Variants in ASXL2 observed in about 807,000 individuals in gnomAD.
ASXL2 encodes putative Polycomb group protein ASXL2.
In ASXL2, 23 loss-of-function variants were observed where a neutral mutation model predicts 122.0. The ratio of observed to expected loss-of-function variants is 0.19; its 90% CI spans 0.14 to 0.27. ASXL2 has a LOEUF of 0.27. ASXL2 is among the 10% of genes least tolerant of loss of function. The probability of loss-of-function intolerance (pLI) is 1.00; values close to 1 mark genes in which losing one functional copy is unlikely to be tolerated. For synonymous variants in ASXL2, 650 were observed against 637.0 expected, an observed-to-expected ratio of 1.02 and a Z score of -0.31; for missense variants, 1,518 against 1,713.8, an observed-to-expected ratio of 0.89 and a Z score of 2.02.
chr2:25,852,947 T>C (rs1278549669), intron 1 of ASXL2, among the ~76,000 whole-genome samples: 1 of 152,120 alleles, frequency 6.6e-6, no homozygotes, highest in Admixed American at 6.5e-5. Flanking sequence ...AGTCTAAAGG[T>C]AGTAATAGGG....
At chr2:25,841,904 G>A (rs999392772) in intron 2 of ASXL2, among the ~76,000 whole-genome samples, 5 of 147,600 alleles carry the variant, frequency 3.4e-5, no homozygotes, top group Non-Finnish European at 5.9e-5. Context: ...CTGAGATGGC[G>A]TCACTGCACT....
At chr2:25,764,531 A>G (rs75345378) in intron 8 of ASXL2, among the ~76,000 whole-genome samples, 2 of 152,360 alleles carry the variant, frequency 1.3e-5, no homozygotes, top group East Asian at 1.9e-4. Flanking sequence ...CCTGGGCCAC[A>G]TGCAGCCTGT....
intron 5 of ASXL2, among the ~76,000 whole-genome samples, chr2:25,795,720 C>T (rs1228096729): frequency 2.0e-5 from 3 of 151,878 alleles, no homozygotes; most frequent in African/African-American, 7.3e-5. Context: ...ATCTACAATT[C>T]CAAACTTAAA....
rs1005252150 is a variant in ASXL2, at chr2:25,743,168, C to G, written c.3169G>C (p.Gly1057Arg). 1.2e-5 allele frequency: 19 copies of G among 1,613,836 alleles called. No homozygotes were observed. The highest frequency in any genetic ancestry group is 1.4e-5 in the Non-Finnish European group (17 of 1,179,892). The change falls in exon 13 of 13, where the codon GGA becomes CGA. Residue 1057 changes from glycine (G) to arginine (R), a missense_variant. By Grantham distance (125) the Gly-to-Arg change is moderately radical. Coordinates refer to ENST00000435504, the MANE Select transcript of ASXL2 (RefSeq NM_018263.6). ...TGATCTTGGGTTGCTTTACTTAGTCCTTCGTGGTATTGGTGTGTGTCAATG... is the reference window on the plus strand; with the variant it reads ...TGATCTTGGGTTGCTTTACTTAGTCGTTCGTGGTATTGGTGTGTGTCAATG... The part of the protein sequence containing the change: ...SSIDTHQYHE[G>R]LSKATQDQIL...
chr2:25,760,935 A>C (rs2088231846), intron 8 of ASXL2, among the ~76,000 whole-genome samples: 1 of 152,258 alleles, frequency 6.6e-6, no homozygotes, highest in South Asian at 2.1e-4. Flanking sequence ...AGACTTAAGA[A>C]AATGGGACAT....
At chr2:25,825,182 C>G (rs1362095196) in intron 3 of ASXL2, among the ~76,000 whole-genome samples, 1 of 152,182 alleles carries the variant, frequency 6.6e-6, no homozygotes, top group Admixed American at 6.5e-5. Context: ...TAAAGGCATA[C>G]CTCTGCTCAT....
chr2:25,837,033 A>G (rs1245795045), intron 2 of ASXL2, among the ~76,000 whole-genome samples: 2 of 139,498 alleles, frequency 1.4e-5, no homozygotes, highest in Non-Finnish European at 3.0e-5. Context: ...GAGTCAAGAT[A>G]TTACAGTTAA....
chr2:25,816,389 G>A (rs1218295571), intron 3 of ASXL2, among the ~76,000 whole-genome samples: 8 of 152,168 alleles, frequency 5.3e-5, no homozygotes, highest in African/African-American at 1.9e-4. Flanking sequence ...CTTGCAGTAC[G>A]TTACAGTAAG....
At chr2:25,836,118 G>C (rs1293665497) in intron 2 of ASXL2, among the ~76,000 whole-genome samples, 1 of 152,182 alleles carries the variant, frequency 6.6e-6, no homozygotes, top group Non-Finnish European at 1.5e-5. Context: ...AGGGAAGATG[G>C]CTGGGCACAG....
chr2:25,860,925 T>G (rs779861238), intron 1 of ASXL2, among the ~76,000 whole-genome samples: 3 of 151,220 alleles, frequency 2.0e-5, no homozygotes, highest in African/African-American at 7.3e-5. Flanking sequence ...GGTGGGAGGA[T>G]TGCTTGAGCC....
At chr2:25,801,352 T>G (rs1419571530) in intron 4 of ASXL2, among the ~76,000 whole-genome samples, 3 of 152,226 alleles carry the variant, frequency 2.0e-5, no homozygotes, top group Non-Finnish European at 4.4e-5. Context: ...CACAAAAATG[T>G]GACCCTCCTA....
At chr2:25,841,280 A>T (rs1176817652) in intron 2 of ASXL2, among the ~76,000 whole-genome samples, 1 of 152,174 alleles carries the variant, frequency 6.6e-6, no homozygotes, top group Non-Finnish European at 1.5e-5. Context: ...TGGGTTACAG[A>T]GTGAGACCCT....
intron 1 of ASXL2, chr2:25,856,901 G>A (rs530569825): frequency 5.2e-5 from 35 of 668,844 alleles, no homozygotes; most frequent in Admixed American, 2.0e-4. Flanking sequence ...CGATGGAGAC[G>A]AGTCTAGGTG....
chr2:25,853,258 A>G (rs879566108), intron 1 of ASXL2, among the ~76,000 whole-genome samples: 9 of 152,232 alleles, frequency 5.9e-5, no homozygotes, highest in Non-Finnish European at 8.8e-5. Flanking sequence ...ACCTGAGTTC[A>G]GGAGCTCAAC....
intron 1 of ASXL2, among the ~76,000 whole-genome samples, chr2:25,864,675 A>G (rs908823197): frequency 1.3e-5 from 2 of 152,120 alleles, no homozygotes; most frequent in Non-Finnish European, 2.9e-5. Flanking sequence ...TATTTAAAAA[A>G]AAAAATTCTC....
At chr2:25,790,151 A>G (rs2149166409) in intron 5 of ASXL2, among the ~76,000 whole-genome samples, 1 of 152,300 alleles carries the variant, frequency 6.6e-6, no homozygotes, top group African/African-American at 2.4e-5. Flanking sequence ...GGTCTGTGAC[A>G]AGATAAGCAT....
chr2:25,804,812 G>A (rs1462875017), intron 4 of ASXL2, among the ~76,000 whole-genome samples: 1 of 152,212 alleles, frequency 6.6e-6, no homozygotes, highest in Non-Finnish European at 1.5e-5. Flanking sequence ...CACTTTGGGA[G>A]GCCGAGGAGG....
At chr2:25,781,812 G>A (rs892631394) in intron 5 of ASXL2, among the ~76,000 whole-genome samples, 14 of 151,852 alleles carry the variant, frequency 9.2e-5, no homozygotes, top group African/African-American at 3.1e-4. Context: ...GGGACTACAG[G>A]CGCGTGCCAC....
At position 25,799,398 on chromosome 2, in the gene ASXL2, C is replaced by T. The variant is rs2088961321; in HGVS notation, c.390G>A (p.Arg130=). 1.2e-6 allele frequency: 2 copies of T among 1,613,998 alleles called. No individual in the cohort carries two copies. Among genetic ancestry groups the T allele is most frequent in the South Asian group, 1.1e-5 (1 of 91,078 alleles). ...GGSNKEGKKS[R]WKRKVSSSSP... is the part of the protein sequence containing the mutation. Reference sequence around the variant, plus strand: ...AGGTGGATTTACCTTTCCTTTTCCACCTGCTCTTTTTTCCCTCCTTGTTGC... The same window carrying T: ...AGGTGGATTTACCTTTCCTTTTCCATCTGCTCTTTTTTCCCTCCTTGTTGC... The change falls in exon 5 of 13, where the codon AGG becomes AGA. Residue 130 remains arginine (R), a synonymous_variant. Coordinates refer to ENST00000435504, the MANE Select transcript of ASXL2 (RefSeq NM_018263.6).
Sources: gnomAD v4.1 joint callset for allele counts (sites outside exome capture counted in the v4.1 genomes callset) on GRCh38, gnomAD v4.1.1 for gene constraint, MANE v1.5 for transcripts, NCBI Gene and HGNC (gene_info 2026-07-23, HGNC 2026-07-21) for gene names.